Variants in SH3D21 observed in about 807,000 individuals in gnomAD.
SH3D21 encodes manchette microtubule inner protein 1.
Under a neutral mutation model 82.1 loss-of-function variants are expected in SH3D21, and 83 were observed. The ratio of observed to expected loss-of-function variants is 1.01; its 90% CI spans 0.85 to 1.21. SH3D21 has a LOEUF of 1.21. Ranked by LOEUF, SH3D21 falls within the 50% of genes most tolerant of loss-of-function variation. The pLI is 0.00. For synonymous variants in SH3D21, 383 were observed against 387.8 expected (o/e 0.99, Z 0.15); for missense variants, 980 against 962.1 (o/e 1.02, Z -0.25).
chr1:36,323,276 C>G (rs1646499419), downstream of SH3D21, among the ~76,000 whole-genome samples: 1 of 152,086 alleles, frequency 6.6e-6, no homozygotes, highest in Admixed American at 6.5e-5. Flanking sequence ...CGCCGGGGAC[C>G]GCGGGAGGCC....
chr1:36,307,101 G>T lies in SH3D21; in HGVS notation c.227-66G>T. The T allele has an allele frequency of 6.5e-7, 1 of 1,543,136 alleles. No homozygotes were observed. Among genetic ancestry groups the T allele is most frequent in the Non-Finnish European group, 8.8e-7 (1 of 1,142,142 alleles). ...GGACCAAAGGCTACGTGCGCGCCTT[G>T]CGCTTCCCCCAGCTCCTCTGACTGG... On this transcript the variant is annotated intron_variant, in intron 3 of 15. Coordinates refer to ENST00000453908, the MANE Select transcript of SH3D21 (RefSeq NM_001162530.2). The surrounding 1 kb of genome is among the most constrained non-coding windows in gnomAD (Gnocchi z 5.4).
At chr1:36,321,358 C>T, downstream of SH3D21, 2 of 1,384,532 alleles carry the variant, frequency 1.4e-6, no homozygotes, top group Non-Finnish European at 1.9e-6. This position sits in a 1 kb window ranked among gnomAD's most constrained non-coding sequence, Gnocchi z 6.1. Flanking sequence ...CCAAGGCCTG[C>T]GCGCGGCTAT....
downstream of SH3D21, chr1:36,322,423 G>T (rs2124704334): frequency 1.2e-6 from 2 of 1,602,432 alleles, no homozygotes; most frequent in South Asian, 1.1e-5. Flanking sequence ...TCCTCCAGCC[G>T]CTGCGCCCGC....
downstream of SH3D21, among the ~76,000 whole-genome samples, chr1:36,325,908 G>GA (rs1350684763): frequency 6.6e-6 from 1 of 152,220 alleles, no homozygotes; most frequent in African/African-American, 2.4e-5. Context: ...TGCCCTCATG[G>GA]AGCTGACACT....
chr1:36,326,125 C>G (rs12076218), downstream of SH3D21, among the ~76,000 whole-genome samples: 1 of 151,866 alleles, frequency 6.6e-6, no homozygotes. Flanking sequence ...ATACCTCCCT[C>G]CAAGGGAAGA....
At position 36,308,445 on chromosome 1, in the gene SH3D21, T is replaced by G. The variant is rs1180908642; in HGVS notation, c.696T>G (p.Phe232Leu). ...EGECQGRRGV[F>L]PDNFVLPPPP... ...AGTGTCAAGGACGAAGAGGAGTTTT[T>G]CCAGACAACTTTGTACTCCCACCAC... The change falls in exon 9 of 16, where the codon TTT becomes TTG. Residue 232 changes from phenylalanine to leucine, a missense_variant. Transcript: ENST00000453908. 3 of 1,551,814 alleles carry G rather than the reference T, an allele frequency of 1.9e-6. No homozygotes were observed. In the Admixed American group the frequency reaches 5.9e-5, roughly 30 times the overall value.
chr1:36,315,600 C>T (rs1252964157), intron 10 of SH3D21, among the ~76,000 whole-genome samples: 3 of 152,080 alleles, frequency 2.0e-5, no homozygotes, highest in East Asian at 1.9e-4. Context: ...CCGCCCACCT[C>T]GGCCTCCCAA....
chr1:36,307,764 C>A lies in SH3D21; in HGVS notation c.437-6C>A. 6.4e-7 allele frequency: 1 copy of A among 1,551,694 alleles called. No homozygotes were observed. The highest frequency in any genetic ancestry group is 8.7e-7 in the Non-Finnish European group (1 of 1,146,932). ...CACCCTCCCTAACCTCACTGTCCCCCACTAGGCCTTGGTAACCCAGACATG... is the reference window on the plus strand; with the variant it reads ...CACCCTCCCTAACCTCACTGTCCCCAACTAGGCCTTGGTAACCCAGACATG... On this transcript the variant is annotated splice_region_variant and splice_polypyrimidine_tract_variant and intron_variant, in intron 5 of 15. Transcript: ENST00000453908. This position sits in a 1 kb window ranked among gnomAD's most constrained non-coding sequence, Gnocchi z 5.4.
chr1:36,306,676 T>G lies in SH3D21; in HGVS notation c.83T>G (p.Val28Gly), dbSNP rs1323275475. 2.3e-6 allele frequency: 3 copies of G among 1,297,758 alleles called. No individual in the cohort carries two copies. In the South Asian group the frequency reaches 3.7e-5, roughly 16 times the overall value. The allele number at this position is 1,297,758 out of a possible 1,614,324, so 80.4% of individuals were successfully genotyped here. ...SLAPGDVVRQ[V>G]RWVPARGWLR... ...GCGCCCGGGGACGTGGTCCGGCAGGTGCGCTGGGTGCCCGCGCGGGGCTGG... is the reference window on the plus strand; with the variant it reads ...GCGCCCGGGGACGTGGTCCGGCAGGGGCGCTGGGTGCCCGCGCGGGGCTGG... Residue 28 changes from valine (V) to glycine (G), a missense_variant, in exon 2 of 16, where the codon GTG (valine) becomes GGG (glycine). Val to Gly is a moderately radical substitution (Grantham distance 109). Coordinates refer to ENST00000453908, the MANE Select transcript of SH3D21 (RefSeq NM_001162530.2). This position sits in a 1 kb window ranked among gnomAD's most constrained non-coding sequence, Gnocchi z 4.5.
chr1:36,306,910 G>A lies in SH3D21; in HGVS notation c.226+5G>A, dbSNP rs1486747220. The A allele has an allele frequency of 3.0e-6, 4 of 1,326,328 alleles. No homozygotes were observed. The African/African-American group carries it at 6.2e-5, about 20-fold the overall frequency. 82.2% of individuals were successfully genotyped at this position (1,326,328 alleles called of 1,614,324 possible). On this transcript the variant is annotated splice_donor_5th_base_variant and intron_variant, in intron 3 of 15. Coordinates refer to ENST00000453908, the MANE Select transcript of SH3D21 (RefSeq NM_001162530.2). The surrounding 1 kb of genome is among the most constrained non-coding windows in gnomAD (Gnocchi z 4.5). ...CGCGCTGTGCGCGCCGCCGAGGTGA[G>A]CGCAAGGGCGGGGACGGGCGCCGGT...
At chr1:36,323,752 G>GCCGT, downstream of SH3D21, 1 of 152,058 alleles carries the variant, frequency 6.6e-6, no homozygotes, top group Non-Finnish European at 1.5e-5. Flanking sequence ...CGGCCCGCGG[G>GCCGT]CCGTCCGTCC....
Position 36,307,309 on chromosome 1 carries a change from G to T in SH3D21, c.345+24G>T. 3 of 1,551,316 alleles carry T rather than the reference G, an allele frequency of 1.9e-6. No homozygotes were observed. Among genetic ancestry groups the T allele is most frequent in the Non-Finnish European group, 2.6e-6 (3 of 1,146,606 alleles). On this transcript the variant is annotated intron_variant, in intron 4 of 15. Coordinates refer to ENST00000453908, the MANE Select transcript of SH3D21 (RefSeq NM_001162530.2). The surrounding 1 kb of genome is among the most constrained non-coding windows in gnomAD (Gnocchi z 5.4). ...AGGTGAGGGGTGAGGTGATGGGACCGTTTGGGGGAGGATGATGGAACGCGC... is the reference window on the plus strand; with the variant it reads ...AGGTGAGGGGTGAGGTGATGGGACCTTTTGGGGGAGGATGATGGAACGCGC...
At position 36,321,343 on chromosome 1, in the gene SH3D21, C is replaced by G. The variant is rs571235376; in HGVS notation, c.*216C>G. Reference sequence around the variant, plus strand: ...CTGGCCAACATGTGGCTCCCATTACCGTTCCCAAGGCCTGCGCGCGGCTAT... The same window carrying G: ...CTGGCCAACATGTGGCTCCCATTACGGTTCCCAAGGCCTGCGCGCGGCTAT... On this transcript the variant is annotated 3_prime_UTR_variant, in exon 16 of 16. Coordinates refer to ENST00000453908, the MANE Select transcript of SH3D21 (RefSeq NM_001162530.2). This position sits in a 1 kb window ranked among gnomAD's most constrained non-coding sequence, Gnocchi z 6.1. 8.5e-6 allele frequency: 12 copies of G among 1,414,172 alleles called. No homozygotes were observed. The Admixed American group carries it at 1.5e-4, about 17-fold the overall frequency. The allele number at this position is 1,414,172 out of a possible 1,614,324, so 87.6% of individuals were successfully genotyped here. A position where few individuals can be genotyped will look rare whatever the true frequency, so the allele number is the denominator to read the frequency against.
rs772538622 is a variant in SH3D21, at chr1:36,320,772, G to C, written c.2109G>C (p.Ala703=). 1 of 1,581,390 alleles carries C rather than the reference G, an allele frequency of 6.3e-7. No individual in the cohort carries two copies. The highest frequency in any genetic ancestry group is 8.6e-7 in the Non-Finnish European group (1 of 1,163,432). ...GCGAGGTGGAGTCTCTAAGGAGGGC[G>C]CTGGAGCTGATGGAGGTGCAGCTGG... is the stretch of plus-strand genomic sequence containing the variant. ...LRGEVESLRR[A]LELMEVQLER... The change falls in exon 14 of 16, where the codon GCG becomes GCC. Residue 703 remains alanine, a synonymous_variant. Transcript: ENST00000453908.
At chr1:36,310,906 GTTTGTTTT>G (rs1377216020) in intron 10 of SH3D21, among the ~76,000 whole-genome samples, 1 of 151,744 alleles carries the variant, frequency 6.6e-6, no homozygotes, top group Non-Finnish European at 1.5e-5. Flanking sequence ...TTTTTGGTTT[GTTTGTTTT>G]TTTTTTTTTA....
At chr1:36,327,692 A>G, downstream of SH3D21, 8 of 1,197,546 alleles carry the variant, frequency 6.7e-6, no homozygotes, top group Non-Finnish European at 8.5e-6. Context: ...AGAGGGACGC[A>G]CATTAACCAG....
chr1:36,307,439 G>A lies in SH3D21; in HGVS notation c.346-78G>A, dbSNP rs923314606. 7.9e-6 allele frequency: 12 copies of A among 1,519,440 alleles called. No homozygotes were observed. The East Asian group carries it at 2.7e-4, about 34-fold the overall frequency. The allele number at this position is 1,519,440 out of a possible 1,614,324, so 94.1% of individuals were successfully genotyped here. On this transcript the variant is annotated intron_variant, in intron 4 of 15. Coordinates refer to ENST00000453908, the MANE Select transcript of SH3D21 (RefSeq NM_001162530.2). The surrounding 1 kb of genome is among the most constrained non-coding windows in gnomAD (Gnocchi z 5.4). ...GAAGGAGGGAGGAAGGGGCGCTTGGGCAGAACCAAGGGTGGCAGATTATCC... is the reference window on the plus strand; with the variant it reads ...GAAGGAGGGAGGAAGGGGCGCTTGGACAGAACCAAGGGTGGCAGATTATCC...
Position 36,321,023 on chromosome 1 carries a change from C to G in SH3D21, c.2200-33C>G. On this transcript the variant is annotated intron_variant, in intron 15 of 15. Coordinates refer to ENST00000453908, the MANE Select transcript of SH3D21 (RefSeq NM_001162530.2). The surrounding 1 kb of genome is among the most constrained non-coding windows in gnomAD (Gnocchi z 6.1). ...GGGAGGGGGCTGACGGCGAGTGGCC[C>G]CCTGACAAAGTCTCCACCTCACTCC... The G allele has an allele frequency of 6.3e-7, 1 of 1,596,702 alleles. No homozygotes were observed. The highest frequency in any genetic ancestry group is 8.5e-7 in the Non-Finnish European group (1 of 1,172,162).
downstream of SH3D21, chr1:36,321,719 T>G: frequency 9.9e-7 from 1 of 1,012,986 alleles, no homozygotes; most frequent in Non-Finnish European, 1.2e-6. The surrounding 1 kb of genome is among the most constrained non-coding windows in gnomAD (Gnocchi z 6.1). Flanking sequence ...TGTGTGTCAT[T>G]GCAGTGTATG....
Sources: allele counts gnomAD v4.1 joint callset (sites outside exome capture counted in the v4.1 genomes callset), GRCh38; gene constraint gnomAD v4.1.1; non-coding constraint Gnocchi (gnomAD v3.1); transcripts MANE v1.5; gene names NCBI Gene and HGNC (gene_info 2026-07-23, HGNC 2026-07-21).